The following RABEP1 variants were observed in gnomAD, a reference collection of about 807,000 sequenced individuals.
The protein encoded by RABEP1 is rab GTPase-binding effector protein 1.
A neutral mutation model predicts 123.4 loss-of-function variants in RABEP1; 51 were observed. That is an observed-to-expected ratio of 0.41 (90% confidence interval 0.33 to 0.52). The LOEUF is 0.52. Among genes scored for constraint, RABEP1 ranks in the 20% least tolerant of loss-of-function variants. The probability of loss-of-function intolerance (pLI) is 0.16; values close to 1 mark genes in which losing one functional copy is unlikely to be tolerated. For missense variants in RABEP1, 888 were observed against 996.3 expected (o/e 0.89, Z 1.46); for synonymous variants, 347 against 355.2 (o/e 0.98, Z 0.26).
In RABEP1 at chr17:5,385,557, TA is replaced by T; in HGVS notation, c.*2335del. On this transcript the variant is annotated 3_prime_UTR_variant, in exon 18 of 18. Coordinates refer to ENST00000537505, the MANE Select transcript of RABEP1 (RefSeq NM_004703.6). The stretch of plus-strand genomic sequence containing the variant: ...CAAAATCACATTCTGCATACTAACC[TA>T]TTTTTTTCTCCCTTTAAGGTGCTAA... 1 of 230,912 alleles carries T rather than the reference TA, an allele frequency of 4.3e-6. No homozygotes were observed. Among genetic ancestry groups the T allele is most frequent in the Middle Eastern group, 1.3e-3 (1 of 770 alleles). The allele number at this position is 230,912 out of a possible 1,614,324, so 14.3% of individuals were successfully genotyped here. A position where few individuals can be genotyped will look rare whatever the true frequency, so the allele number is the denominator to read the frequency against.
rs753410845 is a variant in RABEP1 at position 5,343,670 on chromosome 17, CTTTTTTTTTTTTT to C, written c.649-3109_649-3097del. 3.3e-3 allele frequency among the ~76,000 whole-genome samples: 330 copies of C among 99,948 alleles called. 2 individuals carry two copies. The highest frequency in any genetic ancestry group is 4.7e-3 in the Non-Finnish European group (245 of 52,242). 65.6% of individuals were successfully genotyped at this position (99,948 alleles called of 152,430 possible). ...AAAAAGATTTCTTTCTTTCTTTTCT[CTTTTTTTTTTTTT>C]TTTTTTTTTTGAGTCAGGGTCTTGC... On this transcript the variant is annotated intron_variant, in intron 5 of 17. Coordinates refer to ENST00000537505, the MANE Select transcript of RABEP1 (RefSeq NM_004703.6).
chr17:5,369,672 G>A (rs1910368034), intron 12 of RABEP1, among the ~76,000 whole-genome samples: 1 of 151,672 alleles, frequency 6.6e-6, no homozygotes, highest in Non-Finnish European at 1.5e-5. Context: ...ACACTCCTTC[G>A]ACCCCTTGCA....
chr17:5,323,070 G>A (rs1412755348), intron 2 of RABEP1, among the ~76,000 whole-genome samples: 1 of 151,834 alleles, frequency 6.6e-6, no homozygotes, highest in Non-Finnish European at 1.5e-5. Flanking sequence ...GTGAGAGACT[G>A]TCTCAAAAAA....
intron 2 of RABEP1, among the ~76,000 whole-genome samples, chr17:5,326,494 G>A (rs1056467548): frequency 6.6e-6 from 1 of 152,096 alleles, no homozygotes; most frequent in African/African-American, 2.4e-5. Context: ...AGGAAGAGGG[G>A]GTGAATATGT....
At chr17:5,311,322 A>G (rs1203934369) in intron 2 of RABEP1, among the ~76,000 whole-genome samples, 1 of 152,202 alleles carries the variant, frequency 6.6e-6, no homozygotes, top group Admixed American at 6.5e-5. Flanking sequence ...AAATATGCAT[A>G]TAAATGTTTT....
At chr17:5,324,417 C>A (rs1288370723) in intron 2 of RABEP1, among the ~76,000 whole-genome samples, 1 of 152,160 alleles carries the variant, frequency 6.6e-6, no homozygotes, top group Non-Finnish European at 1.5e-5. Flanking sequence ...CCATCTCTCT[C>A]CATATATACA....
chr17:5,361,858 T>C (rs1206636323), intron 9 of RABEP1, 183 bp downstream of exon 9: 2 of 583,054 alleles, frequency 3.4e-6, no homozygotes. Flanking sequence ...TCCAGGTAAT[T>C]GTGACAGAGA....
intron 2 of RABEP1, among the ~76,000 whole-genome samples, chr17:5,322,263 T>C (rs536326369): frequency 1.4e-3 from 217 of 151,638 alleles, no homozygotes; most frequent in African/African-American, 4.8e-3. Context: ...GAGGCTGAGG[T>C]GGGAGAATTC....
At chr17:5,325,120 C>T (rs563509771) in intron 2 of RABEP1, among the ~76,000 whole-genome samples, 1 of 152,156 alleles carries the variant, frequency 6.6e-6, no homozygotes, top group South Asian at 2.1e-4. Context: ...CGAGACCAGC[C>T]TGGGCAACAT....
chr17:5,330,487 A>G (rs1370685117), intron 2 of RABEP1, among the ~76,000 whole-genome samples: 1 of 152,206 alleles, frequency 6.6e-6, no homozygotes, highest in African/African-American at 2.4e-5. Flanking sequence ...TTGGATTTTT[A>G]TAAGTAGTTA....
intron 5 of RABEP1, among the ~76,000 whole-genome samples, chr17:5,344,539 G>C (rs371726555): frequency 6.6e-6 from 1 of 152,046 alleles, no homozygotes; most frequent in Admixed American, 6.6e-5. Context: ...TTGGGAGGCC[G>C]AGGCGGGCGG....
At chr17:5,369,908 C>T (rs1020187932) in intron 12 of RABEP1, among the ~76,000 whole-genome samples, 12 of 152,092 alleles carry the variant, frequency 7.9e-5, no homozygotes, top group Admixed American at 4.6e-4. Context: ...CCATGTTGGT[C>T]GGGCTGGTCT....
chr17:5,307,010 G>A (rs2075185141), intron 1 of RABEP1, among the ~76,000 whole-genome samples: 1 of 152,134 alleles, frequency 6.6e-6, no homozygotes, highest in South Asian at 2.1e-4. Flanking sequence ...TATCTGCATA[G>A]AAGAGAACTT....
At chr17:5,340,423 A>G (rs1907490918) in intron 5 of RABEP1, among the ~76,000 whole-genome samples, 1 of 152,182 alleles carries the variant, frequency 6.6e-6, no homozygotes, top group Admixed American at 6.5e-5. Context: ...CATATAAATT[A>G]ATACCTATAA....
intron 2 of RABEP1, among the ~76,000 whole-genome samples, chr17:5,317,316 CAG>C (rs1402849281): frequency 6.6e-6 from 1 of 152,108 alleles, no homozygotes; most frequent in African/African-American, 2.4e-5. Context: ...GGATAAAAAA[CAG>C]AGACACATGA....
intron 1 of RABEP1, among the ~76,000 whole-genome samples, chr17:5,298,642 C>G (rs1226011497): frequency 6.8e-6 from 1 of 147,784 alleles, no homozygotes; most frequent in African/African-American, 2.5e-5. Flanking sequence ...CGTATAACTC[C>G]CACCTCCTCC....
At chr17:5,331,716 T>A (rs1471986748) in intron 2 of RABEP1, among the ~76,000 whole-genome samples, 3 of 152,280 alleles carry the variant, frequency 2.0e-5, no homozygotes, top group Middle Eastern at 3.4e-3. Flanking sequence ...GTTCATTTAG[T>A]CAGCAGACGG....
intron 2 of RABEP1, among the ~76,000 whole-genome samples, chr17:5,329,512 C>T (rs531478409): frequency 6.6e-6 from 1 of 152,252 alleles, no homozygotes; most frequent in South Asian, 2.1e-4. Context: ...GCCTGGGCAA[C>T]AAGAGCGAGA....
At chr17:5,316,474 A>AAAG (rs2075296946) in intron 2 of RABEP1, among the ~76,000 whole-genome samples, 3 of 148,016 alleles carry the variant, frequency 2.0e-5, no homozygotes, top group Non-Finnish European at 4.5e-5. Context: ...AAAAAAAAAA[A>AAAG]AGAACTGCTG....
Sources: gnomAD v4.1 joint callset for allele counts (sites outside exome capture counted in the v4.1 genomes callset) on GRCh38, gnomAD v4.1.1 for gene constraint, MANE v1.5 for transcripts, NCBI Gene and HGNC (gene_info 2026-07-23, HGNC 2026-07-21) for gene names.